KPNA6: variants seen among roughly 807,000 people sequenced by gnomAD.
KPNA6 encodes importin subunit alpha-7.
In KPNA6, 9 loss-of-function variants were observed where a neutral mutation model predicts 72.0. The ratio of observed to expected loss-of-function variants is 0.13; its 90% CI spans 0.08 to 0.22. The LOEUF (loss-of-function observed/expected upper bound fraction) is 0.22. Ranked by LOEUF, KPNA6 falls within the 10% of genes least tolerant of loss-of-function variation. The pLI, the probability that KPNA6 is intolerant of heterozygous loss-of-function variation, is 1.00. For synonymous variants in KPNA6, 219 were observed against 242.1 expected (o/e 0.90, Z 0.89); for missense variants, 374 against 655.7 (o/e 0.57, Z 4.69).
At chr1:32,128,921 T>TGA in intron 1 of KPNA6, among the ~76,000 whole-genome samples, 1 of 152,324 alleles carries the variant, frequency 6.6e-6, no homozygotes, top group Non-Finnish European at 1.5e-5. Context: ...ACTGTGACTC[T>TGA]GAGATAGTCT....
intron 4 of KPNA6, 39 bp from the exon 5 acceptor site, chr1:32,158,228 C>T (rs1472442187): frequency 2.1e-6 from 3 of 1,403,198 alleles, no homozygotes; most frequent in South Asian, 1.2e-5. Flanking sequence ...TCAGCAAAAG[C>T]TTCTCCTGTG....
chr1:32,134,393 C>T (rs1378890867), intron 1 of KPNA6, among the ~76,000 whole-genome samples: 1 of 151,852 alleles, frequency 6.6e-6, no homozygotes, highest in Non-Finnish European at 1.5e-5. Flanking sequence ...ATGATCTTAG[C>T]ACTTTAGGAG....
chr1:32,138,059 C>G (rs1448691591), intron 1 of KPNA6, among the ~76,000 whole-genome samples: 2 of 149,382 alleles, frequency 1.3e-5, no homozygotes, highest in East Asian at 4.0e-4. Flanking sequence ...CGCATCAACC[C>G]GGGAGGCAGA....
At chr1:32,161,383 A>C (rs746071576) in intron 7 of KPNA6, among the ~76,000 whole-genome samples, 1 of 152,210 alleles carries the variant, frequency 6.6e-6, no homozygotes, top group Non-Finnish European at 1.5e-5. Context: ...TATAGATCAA[A>C]GACCCCGTGA....
intron 10 of KPNA6, among the ~76,000 whole-genome samples, chr1:32,165,256 C>T (rs1470575392): frequency 1.3e-5 from 2 of 152,016 alleles, no homozygotes; most frequent in African/African-American, 4.8e-5. Flanking sequence ...CACTATGTTG[C>T]CCCAGCTGGC....
intron 1 of KPNA6, among the ~76,000 whole-genome samples, chr1:32,112,712 T>G (rs1021957054): frequency 1.3e-5 from 2 of 152,114 alleles, no homozygotes; most frequent in African/African-American, 4.8e-5. Context: ...AGGCTGGTCT[T>G]GAACTCCTGA....
intron 6 of KPNA6, among the ~76,000 whole-genome samples, chr1:32,159,961 G>A (rs2124074008): frequency 6.6e-6 from 1 of 152,318 alleles, no homozygotes; most frequent in South Asian, 2.1e-4. Flanking sequence ...GAATTGGAGA[G>A]TGGTAGTGGG....
At position 32,162,367 on chromosome 1, in the gene KPNA6, C is replaced by A. The variant is rs752268057; in HGVS notation, c.754C>A (p.Pro252Thr). ...CTCACTCTGCTTCCCACAGGTCTCT[C>A]CTTGTTTGCCTGTACTGTCTCGCCT... The part of the protein sequence containing the change: ...NPPPEFAKVS[P>T]CLPVLSRLLF... The change falls in exon 9 of 14, where the codon CCT becomes ACT. Residue 252 changes from proline to threonine, a missense_variant. Physicochemically the swap from Pro to Thr is conservative, Grantham distance 38. This residue lies in a region of KPNA6 where 298 missense variants were observed against 495.4 expected (regional missense o/e 0.60). Coordinates refer to ENST00000373625, the MANE Select transcript of KPNA6 (RefSeq NM_012316.5). 2 of 1,593,856 alleles carry A rather than the reference C, an allele frequency of 1.3e-6. No individual in the cohort carries two copies. The highest frequency in any genetic ancestry group is 4.5e-5 in the East Asian group (2 of 44,814).
At chr1:32,156,785 A>G (rs1307012608) in intron 2 of KPNA6, 68 bp from the exon 3 acceptor site, 2 of 1,211,554 alleles carry the variant, frequency 1.7e-6, no homozygotes, top group African/African-American at 3.0e-5. Context: ...GCCATAATTT[A>G]ACATTGGATT....
In KPNA6 at chr1:32,174,379, C is replaced by T. The variant is rs1288458861; in HGVS notation, c.*3485C>T. ...TCTCAGGCACAGACTTTCTATTTTT[C>T]TCAAGCCAAACCAGTTTAAAATGTC... On this transcript the variant is annotated 3_prime_UTR_variant, in exon 14 of 14. Transcript: ENST00000373625. The T allele has an allele frequency of 6.6e-6, 1 of 152,234 alleles. No individual in the cohort carries two copies. Among genetic ancestry groups the T allele is most frequent in the South Asian group, 2.1e-4 (1 of 4,838 alleles). 9.4% of individuals were successfully genotyped at this position (152,234 alleles called of 1,614,324 possible). A position where few individuals can be genotyped will look rare whatever the true frequency, so the allele number is the denominator to read the frequency against.
At chr1:32,160,294 C>A (rs1380534528) in intron 6 of KPNA6, among the ~76,000 whole-genome samples, 3 of 135,718 alleles carry the variant, frequency 2.2e-5, no homozygotes, top group Non-Finnish European at 3.1e-5. Flanking sequence ...AGCGAGACTC[C>A]GTCTCAAAAA....
At chr1:32,146,053 C>A (rs1347949983) in intron 1 of KPNA6, among the ~76,000 whole-genome samples, 1 of 152,150 alleles carries the variant, frequency 6.6e-6, no homozygotes, top group African/African-American at 2.4e-5. Context: ...AGAATCTATA[C>A]TTGAGAAGAA....
At chr1:32,119,711 A>G (rs1223292125) in intron 1 of KPNA6, among the ~76,000 whole-genome samples, 1 of 149,822 alleles carries the variant, frequency 6.7e-6, no homozygotes, top group Non-Finnish European at 1.5e-5. Context: ...CCTTTCCACA[A>G]TTCCTCTCCC....
intron 1 of KPNA6, among the ~76,000 whole-genome samples, chr1:32,118,243 A>T (rs767726763): frequency 6.6e-6 from 1 of 151,990 alleles, no homozygotes. Context: ...GTTTTTCAAG[A>T]TATACTTTAA....
At chr1:32,164,787 A>G (rs758453021) in intron 10 of KPNA6, among the ~76,000 whole-genome samples, 1 of 149,452 alleles carries the variant, frequency 6.7e-6, no homozygotes, top group Non-Finnish European at 1.5e-5. Flanking sequence ...GGAGTTCTTC[A>G]TATGTTCTGG....
intron 8 of KPNA6, 129 bp downstream of exon 8, chr1:32,162,175 T>G (rs986490112): frequency 2.2e-6 from 2 of 908,680 alleles, no homozygotes; most frequent in South Asian, 1.5e-5. Context: ...GTGAAGTAGA[T>G]GATCTTGTGT....
intron 2 of KPNA6, 40 bp from the exon 3 acceptor site, chr1:32,156,813 G>T (rs750083586): frequency 6.9e-7 from 1 of 1,443,458 alleles, no homozygotes; most frequent in East Asian, 2.3e-5. Flanking sequence ...GTTTTCTTTG[G>T]TTCAGAGAGT....
chr1:32,167,960 G>A (rs1642370011), intron 12 of KPNA6, among the ~76,000 whole-genome samples: 1 of 152,154 alleles, frequency 6.6e-6, no homozygotes, highest in Admixed American at 6.5e-5. Flanking sequence ...AAACCCAGGA[G>A]TTCAAGACTA....
rs1326425178 is a variant in KPNA6 at position 32,171,305 on chromosome 1, G to T, written c.*411G>T. On this transcript the variant is annotated 3_prime_UTR_variant, in exon 14 of 14. Transcript: ENST00000373625. ...CTTTTTTCATTCTTCCCGGTCCTCT[G>T]CCCTGATCTGTGTAACTCTTATCTT... 1 of 170,644 alleles carries T rather than the reference G, an allele frequency of 5.9e-6. No homozygotes were observed. Among genetic ancestry groups the T allele is most frequent in the Non-Finnish European group, 1.3e-5 (1 of 78,350 alleles). The allele number at this position is 170,644 out of a possible 1,614,324, so 10.6% of individuals were successfully genotyped here.
Sources: gnomAD v4.1 joint callset for allele counts (sites outside exome capture counted in the v4.1 genomes callset) on GRCh38, gnomAD v4.1.1 for gene constraint, gnomAD v4.1.1 regional missense constraint, MANE v1.5 for transcripts, NCBI Gene and HGNC (gene_info 2026-07-23, HGNC 2026-07-21) for gene names.